Variants in DOCK9 observed in about 807,000 individuals in gnomAD.
The protein encoded by DOCK9 is dedicator of cytokinesis protein 9.
DOCK9 carries 89 observed loss-of-function variants against 263.3 expected under a neutral mutation model. That is an observed-to-expected ratio of 0.34 (90% CI 0.28 to 0.40). The LOEUF is 0.40. Among genes scored for constraint, DOCK9 ranks in the 10% least tolerant of loss-of-function variants. The probability of loss-of-function intolerance (pLI) is 1.00; values close to 1 mark genes in which losing one functional copy is unlikely to be tolerated. For synonymous variants in DOCK9, 976 were observed against 973.1 expected, an observed-to-expected ratio of 1.00 and a Z score of -0.06; for missense variants, 2,140 against 2,603.4, an observed-to-expected ratio of 0.82 and a Z score of 3.87.
chr13:99,006,199 C>A (rs1883305567), intron 1 of DOCK9, among the ~76,000 whole-genome samples: 1 of 152,148 alleles, frequency 6.6e-6, no homozygotes, highest in Non-Finnish European at 1.5e-5. Flanking sequence ...TCTTTTGTTT[C>A]TCAAACTGGC....
intron 1 of DOCK9, among the ~76,000 whole-genome samples, chr13:99,019,511 C>T (rs1464461928): frequency 6.6e-6 from 1 of 152,066 alleles, no homozygotes. Context: ...TCTTATGACA[C>T]CAACAGTAAA....
rs1399715023 is a variant in DOCK9 at position 98,985,425 on chromosome 13, C to T, written c.130-29874G>A. Among the ~76,000 whole-genome samples, 6 of 152,168 alleles carry T rather than the reference C, an allele frequency of 3.9e-5. No individual in the cohort carries two copies. In the East Asian group the frequency reaches 1.2e-3, roughly 29 times the overall value. The stretch of plus-strand genomic sequence containing the variant: ...CCCTACCCGCAGGTAGAAAGCTCCA[C>T]GAGGGCAGCATTTTTGCCTGTTTTG... On this transcript the variant is annotated intron_variant, in intron 1 of 32. Coordinates refer to the DOCK9 transcript ENST00000427887.
chr13:98,805,568 C>A (rs2090609476), intron 48 of DOCK9, among the ~76,000 whole-genome samples: 1 of 152,138 alleles, frequency 6.6e-6, no homozygotes, highest in African/African-American at 2.4e-5. Context: ...CCCAAATTAA[C>A]ACTGATTCCC....
intron 1 of DOCK9, among the ~76,000 whole-genome samples, chr13:98,956,027 A>T (rs1181269060): frequency 1.3e-5 from 2 of 152,198 alleles, no homozygotes; most frequent in Admixed American, 1.3e-4. Flanking sequence ...CTGAGTCTCA[A>T]AATATCCCTG....
chr13:98,834,113 G>A (rs2092889996), intron 39 of DOCK9, among the ~76,000 whole-genome samples: 1 of 152,160 alleles, frequency 6.6e-6, no homozygotes, highest in South Asian at 2.1e-4. Context: ...CTCTGTCTTG[G>A]ATTCAGGTTT....
chr13:98,921,839 C>G (rs1352369661), intron 6 of DOCK9, among the ~76,000 whole-genome samples: 4 of 152,192 alleles, frequency 2.6e-5, no homozygotes, highest in African/African-American at 9.7e-5. Context: ...CAGGGATGGT[C>G]TCCTTATGCT....
upstream of DOCK9, among the ~76,000 whole-genome samples, chr13:98,978,253 G>C (rs899718780): frequency 6.6e-6 from 1 of 152,192 alleles, no homozygotes; most frequent in Non-Finnish European, 1.5e-5. Context: ...AAATCAATCG[G>C]AATCAAAATA....
At position 98,940,246 on chromosome 13, in the gene DOCK9, A is replaced by C. The variant is rs945171951; in HGVS notation, c.244-9989T>G. ...TTCCATTTTCAGGCAAGCGTTGCCT[A>C]AAGAGCCTCGATGTTTAATTCCCTA... On this transcript the variant is annotated intron_variant, in intron 2 of 52. Transcript: ENST00000682017. 2.6e-5 allele frequency among the ~76,000 whole-genome samples: 4 copies of C among 152,220 alleles called. No homozygotes were observed. The South Asian group carries it at 8.3e-4, about 32-fold the overall frequency.
At chr13:99,026,614 C>T (rs1292452368) in intron 1 of DOCK9, among the ~76,000 whole-genome samples, 1 of 152,128 alleles carries the variant, frequency 6.6e-6, no homozygotes. Context: ...AGGGCCAAGC[C>T]ATCTATCCCA....
chr13:98,820,322 A>C (rs2092186275), intron 45 of DOCK9, among the ~76,000 whole-genome samples: 1 of 152,182 alleles, frequency 6.6e-6, no homozygotes, highest in South Asian at 2.1e-4. Context: ...AGCCATTCTA[A>C]ACAGCAAACC....
chr13:98,955,077 A>G (rs958186789), intron 2 of DOCK9, among the ~76,000 whole-genome samples: 9 of 152,290 alleles, frequency 5.9e-5, no homozygotes, highest in Admixed American at 1.3e-4. Flanking sequence ...CAACATTTTG[A>G]GAGGCCAAGG....
At chr13:98,830,580 C>G (rs1173610483) in intron 41 of DOCK9, among the ~76,000 whole-genome samples, 1 of 152,206 alleles carries the variant, frequency 6.6e-6, no homozygotes, top group East Asian at 1.9e-4. Context: ...GGGTGCTTCC[C>G]CGTAGTTCAC....
chr13:99,022,585 C>T (rs1276199819), intron 1 of DOCK9, among the ~76,000 whole-genome samples: 1 of 152,154 alleles, frequency 6.6e-6, no homozygotes, highest in East Asian at 1.9e-4. Flanking sequence ...TCAGAGACCA[C>T]AGTCACTCAA....
rs146426485 is a variant in DOCK9, at chr13:98,881,116, T to C, written c.2745+442A>G. ...TGTATATAAATAAATAACTTGTTGA[T>C]GTTTATCCTAACAACATCTCTTGCT... On this transcript the variant is annotated intron_variant, in intron 25 of 52. Coordinates refer to ENST00000682017, the MANE Select transcript of DOCK9 (RefSeq NM_001366683.2). Among the ~76,000 whole-genome samples the C allele has an allele frequency of 2.1e-3, 313 of 152,352 alleles. 2 individuals are homozygous for C. Among genetic ancestry groups the C allele is most frequent in the African/African-American group, 7.2e-3 (300 of 41,586 alleles).
In DOCK9 at chr13:98,882,206, G is replaced by A. The variant is rs543408660; in HGVS notation, c.2560-199C>T. On this transcript the variant is annotated intron_variant, in intron 23 of 52. Coordinates refer to ENST00000682017, the MANE Select transcript of DOCK9 (RefSeq NM_001366683.2). ...ACATCACATGGCCCAGGGGAGGTAA[G>A]GCTGCTAGTCAGGCCTTATGATAGG... Among the ~76,000 whole-genome samples, 144 of 152,190 alleles carry A rather than the reference G, an allele frequency of 9.5e-4. 1 individual carries two copies. Among genetic ancestry groups the A allele is most frequent in the Non-Finnish European group, 1.7e-3 (113 of 68,016 alleles).
At chr13:99,054,886 A>C (rs2142236460) in intron 1 of DOCK9, among the ~76,000 whole-genome samples, 1 of 152,304 alleles carries the variant, frequency 6.6e-6, no homozygotes, top group South Asian at 2.1e-4. Context: ...AGAAGACAAA[A>C]AAGATGGCAC....
intron 15 of DOCK9, among the ~76,000 whole-genome samples, chr13:98,891,921 A>G (rs2046680959): frequency 6.6e-6 from 1 of 152,098 alleles, no homozygotes; most frequent in African/African-American, 2.4e-5. Context: ...AAACACTCAC[A>G]GGCAATAAAG....
chr13:98,899,869 T>G (rs1176888547), intron 13 of DOCK9, among the ~76,000 whole-genome samples: 3 of 152,200 alleles, frequency 2.0e-5, no homozygotes, highest in African/African-American at 7.2e-5. Flanking sequence ...CCCTTTGGGC[T>G]TTTTTCCCCT....
chr13:98,900,984 C>A (rs748956286), intron 13 of DOCK9, among the ~76,000 whole-genome samples: 4 of 152,102 alleles, frequency 2.6e-5, no homozygotes, highest in Non-Finnish European at 5.9e-5. Context: ...GATGACCACA[C>A]AATTTTTTTT....
Sources: allele counts gnomAD v4.1 joint callset (sites outside exome capture counted in the v4.1 genomes callset), GRCh38; gene constraint gnomAD v4.1.1; transcripts MANE v1.5; gene names NCBI Gene and HGNC (gene_info 2026-07-23, HGNC 2026-07-21).